The following ADAMTS20 variants were observed in gnomAD, a reference collection of about 807,000 sequenced individuals.
The protein encoded by ADAMTS20 is ADAM metallopeptidase with thrombospondin type 1 motif 20.
Under a neutral mutation model 260.1 loss-of-function variants are expected in ADAMTS20, and 225 were observed. That is an observed-to-expected ratio of 0.87 (90% CI 0.78 to 0.97). The LOEUF is 0.97. Among genes scored for constraint, ADAMTS20 ranks in the 50% least tolerant of loss-of-function variants. The probability of loss-of-function intolerance (pLI) is 0.00; values close to 1 mark genes in which losing one functional copy is unlikely to be tolerated. For missense variants in ADAMTS20, 2,400 were observed against 2,337.7 expected, an observed-to-expected ratio of 1.03 and a Z score of -0.55; for synonymous variants, 802 against 769.5, an observed-to-expected ratio of 1.04 and a Z score of -0.70.
chr12:43,379,750 A>G (rs1459173073), intron 31 of ADAMTS20, among the ~76,000 whole-genome samples: 1 of 152,208 alleles, frequency 6.6e-6, no homozygotes, highest in Non-Finnish European at 1.5e-5. Context: ...AAAACAAACA[A>G]CAACAAACAG....
chr12:43,456,031 C>T (rs1941958800), intron 11 of ADAMTS20, among the ~76,000 whole-genome samples: 1 of 152,076 alleles, frequency 6.6e-6, no homozygotes, highest in Non-Finnish European at 1.5e-5. Flanking sequence ...GGGTATATAT[C>T]CAGAAGTAGA....
chr12:43,406,139 GA>G (rs1940915473), intron 28 of ADAMTS20, among the ~76,000 whole-genome samples: 1 of 152,094 alleles, frequency 6.6e-6, no homozygotes, highest in Non-Finnish European at 1.5e-5. Flanking sequence ...ACATAAAATA[GA>G]GTGGTTTTTC....
intron 36 of ADAMTS20, among the ~76,000 whole-genome samples, chr12:43,371,737 G>T (rs538992499): frequency 1.2e-4 from 19 of 152,302 alleles, no homozygotes; most frequent in Admixed American, 1.2e-3. Flanking sequence ...TCTGTAGTAG[G>T]AGTGATCATG....
rs575221968 is a variant in ADAMTS20 at position 43,439,722 on chromosome 12, A to C, written c.2493T>G (p.Pro831=). ...GGATATTGAAGGAATAATGTACATC[A>C]GGGTTGTATAAATTACCCACACACA... is the stretch of plus-strand genomic sequence containing the variant. ...QVLCVGNLYN[P]DVHYSFNIPL... Residue 831 remains proline, a synonymous_variant, in exon 18 of 39, where the codon CCT becomes CCG. Transcript: ENST00000389420. The C allele has an allele frequency of 2.5e-6, 4 of 1,613,324 alleles. No homozygotes were observed. The African/African-American group carries it at 5.3e-5, about 21-fold the overall frequency.
intron 31 of ADAMTS20, 120 bp downstream of exon 31, chr12:43,383,438 T>C: frequency 2.1e-6 from 2 of 935,644 alleles, no homozygotes; most frequent in Non-Finnish European, 3.1e-6. Flanking sequence ...CTTAGATTGA[T>C]ATGCATACCA....
intron 29 of ADAMTS20, among the ~76,000 whole-genome samples, chr12:43,385,099 C>T (rs1398695028): frequency 6.6e-6 from 1 of 152,126 alleles, no homozygotes. Context: ...CCTATTTCTC[C>T]ACATCCTCTC....
intron 36 of ADAMTS20, among the ~76,000 whole-genome samples, chr12:43,374,712 A>T (rs1315612634): frequency 1.3e-5 from 2 of 151,836 alleles, no homozygotes; most frequent in Admixed American, 6.6e-5. Context: ...CTGATAAATT[A>T]TCATTAGAAA....
chr12:43,357,711 A>T (rs932609826), intron 37 of ADAMTS20, among the ~76,000 whole-genome samples: 1 of 152,334 alleles, frequency 6.6e-6, no homozygotes, highest in Non-Finnish European at 1.5e-5. Flanking sequence ...TATGAACTCT[A>T]TGTCAGTTTC....
At chr12:43,412,062 A>G (rs1188285204) in intron 28 of ADAMTS20, among the ~76,000 whole-genome samples, 5 of 152,232 alleles carry the variant, frequency 3.3e-5, no homozygotes, top group Non-Finnish European at 2.9e-5. Context: ...TAAACTCAAT[A>G]ACGGCAGAAA....
At chr12:43,492,677 C>G in intron 5 of ADAMTS20, 48 bp from the exon 6 acceptor site, 1 of 1,597,988 alleles carries the variant, frequency 6.3e-7, no homozygotes, top group South Asian at 1.1e-5. Context: ...TTAACGTCCT[C>G]TTTTCCTTCC....
intron 38 of ADAMTS20, among the ~76,000 whole-genome samples, chr12:43,355,004 T>G (rs577839102): frequency 3.3e-5 from 5 of 152,324 alleles, no homozygotes; most frequent in Admixed American, 3.3e-4. Flanking sequence ...AAGTCAAGAC[T>G]GAAGACATTT....
intron 32 of ADAMTS20, 39 bp downstream of exon 32, chr12:43,377,326 C>T (rs779753684): frequency 6.5e-6 from 10 of 1,537,490 alleles, no homozygotes; most frequent in Non-Finnish European, 7.9e-6. Flanking sequence ...CCTAGAAAGT[C>T]TTATTCAGAA....
Position 43,354,340 on chromosome 12 carries a change from C to G in ADAMTS20, c.5644-42G>C, listed in dbSNP as rs111317806. ...GAAATACAGAAGAATCTTATACAAG[C>G]TGGTATCTGTATGCAAATAGCAGAA... On this transcript the variant is annotated intron_variant, in intron 38 of 38. Coordinates refer to ENST00000389420, the MANE Select transcript of ADAMTS20 (RefSeq NM_025003.5). 293 of 1,432,366 alleles carry G rather than the reference C, an allele frequency of 2.0e-4. 5 individuals carry two copies. The African/African-American group carries it at 3.2e-3, about 16-fold the overall frequency. The allele number at this position is 1,432,366 out of a possible 1,614,324, so 88.7% of individuals were successfully genotyped here. A position where few individuals can be genotyped will look rare whatever the true frequency, so the allele number is the denominator to read the frequency against.
At chr12:43,369,268 T>A in intron 37 of ADAMTS20, 22 bp downstream of exon 37, 1 of 1,418,076 alleles carries the variant, frequency 7.1e-7, no homozygotes, top group South Asian at 1.6e-5. Context: ...GAAAGAAAAT[T>A]AATCAAACAA....
At chr12:43,498,084 G>A (rs11182113) in intron 4 of ADAMTS20, among the ~76,000 whole-genome samples, 1 of 152,074 alleles carries the variant, frequency 6.6e-6, no homozygotes, top group Non-Finnish European at 1.5e-5. Context: ...AAAGGTTTTA[G>A]AATAACAGCT....
At chr12:43,538,055 T>C (rs1185771336) in intron 2 of ADAMTS20, among the ~76,000 whole-genome samples, 1 of 152,242 alleles carries the variant, frequency 6.6e-6, no homozygotes, top group African/African-American at 2.4e-5. Flanking sequence ...TGCTGGATCA[T>C]ATGGTAGCTC....
intron 3 of ADAMTS20, among the ~76,000 whole-genome samples, chr12:43,510,340 TA>T (rs1034860200): frequency 3.3e-5 from 5 of 152,104 alleles, no homozygotes; most frequent in African/African-American, 1.2e-4. Context: ...CGGTGCCCTT[TA>T]AATTATTACA....
At chr12:43,380,985 T>C (rs577404153) in intron 31 of ADAMTS20, among the ~76,000 whole-genome samples, 1 of 152,138 alleles carries the variant, frequency 6.6e-6, no homozygotes, top group African/African-American at 2.4e-5. Context: ...ACTTCAAAAC[T>C]TACTATAAAA....
intron 19 of ADAMTS20, chr12:43,433,780 T>G: frequency 4.1e-6 from 2 of 487,750 alleles, no homozygotes; most frequent in Non-Finnish European, 8.2e-6. Context: ...AAGTATAAAC[T>G]TGCTGTCATG....
Sources: gnomAD v4.1 joint callset for allele counts (sites outside exome capture counted in the v4.1 genomes callset) on GRCh38, gnomAD v4.1.1 for gene constraint, MANE v1.5 for transcripts, NCBI Gene and HGNC (gene_info 2026-07-23, HGNC 2026-07-21) for gene names.